The following BCL7C variants were observed in gnomAD, a reference collection of about 807,000 sequenced individuals.
BCL7C encodes BAF chromatin remodeling complex subunit BCL7C.
BCL7C carries 8 observed loss-of-function variants against 26.2 expected under a neutral mutation model. The ratio of observed to expected loss-of-function variants is 0.30; its 90% CI spans 0.18 to 0.55. BCL7C has a LOEUF of 0.55. Ranked by LOEUF, BCL7C falls within the 20% of genes least tolerant of loss-of-function variation. BCL7C has a pLI of 0.93. For missense variants in BCL7C, 262 were observed against 298.5 expected (o/e 0.88, Z 0.90); for synonymous variants, 90 against 116.5 (o/e 0.77, Z 1.47).
intron 5 of BCL7C, among the ~76,000 whole-genome samples, chr16:30,858,904 C>A (rs962023620): frequency 6.6e-6 from 1 of 152,100 alleles, no homozygotes; most frequent in African/African-American, 2.4e-5. Flanking sequence ...AAAAAACACC[C>A]TATAAGCTTC....
intron 5 of BCL7C, among the ~76,000 whole-genome samples, chr16:30,865,723 T>C (rs1031458955): frequency 8.7e-6 from 1 of 115,232 alleles, no homozygotes; most frequent in Non-Finnish European, 1.7e-5. Context: ...ATGGCTTTTT[T>C]TTTCTTTTTT....
chr16:30,886,475 A>C (rs942906143), downstream of BCL7C, among the ~76,000 whole-genome samples: 1 of 152,154 alleles, frequency 6.6e-6, no homozygotes. Flanking sequence ...CCACCTCCTC[A>C]GAGAAGCCTG....
At chr16:30,837,085 C>T (rs1323182629) in intron 5 of BCL7C, among the ~76,000 whole-genome samples, 8 of 152,050 alleles carry the variant, frequency 5.3e-5, no homozygotes, top group South Asian at 2.1e-4. Context: ...TGAGCCACCG[C>T]GCCCGGCCGA....
At chr16:30,881,827 C>T (rs1238582261) in intron 5 of BCL7C, among the ~76,000 whole-genome samples, 4 of 152,168 alleles carry the variant, frequency 2.6e-5, no homozygotes, top group African/African-American at 7.2e-5. Context: ...GCCCCTGCCT[C>T]GCCCCCGCTT....
Position 30,834,681 on chromosome 16 carries a change from C to T in BCL7C, c.*267G>A. On this transcript the variant is annotated 3_prime_UTR_variant, in exon 6 of 6. Transcript: ENST00000380317. The surrounding 1 kb of genome is among the most constrained non-coding windows in gnomAD (Gnocchi z 4.3). ...GGTGGGCGAGGCAGCCCAGTGCACC[C>T]CTCCCCTAGGCCTCTAGCAAGGCGG... 3.0e-6 allele frequency: 1 copy of T among 331,726 alleles called. No homozygotes were observed. 20.5% of individuals were successfully genotyped at this position (331,726 alleles called of 1,614,324 possible).
At chr16:30,849,536 C>T (rs577887169) in intron 5 of BCL7C, among the ~76,000 whole-genome samples, 42 of 151,950 alleles carry the variant, frequency 2.8e-4, no homozygotes, top group Non-Finnish European at 5.0e-4. Flanking sequence ...ACTGCAACCC[C>T]GGCATCCTGG....
At chr16:30,876,625 C>T (rs1190369443) in intron 5 of BCL7C, among the ~76,000 whole-genome samples, 1 of 152,048 alleles carries the variant, frequency 6.6e-6, no homozygotes, top group Non-Finnish European at 1.5e-5. Context: ...AGTGACTAAC[C>T]AGGGACCTGA....
At chr16:30,878,067 T>G (rs968539922) in intron 5 of BCL7C, among the ~76,000 whole-genome samples, 1 of 151,082 alleles carries the variant, frequency 6.6e-6, no homozygotes, top group Admixed American at 6.6e-5. Context: ...CCCAGCTACT[T>G]GGGAGGCTGA....
chr16:30,855,518 T>C (rs1596589829), intron 5 of BCL7C, among the ~76,000 whole-genome samples: 2 of 152,072 alleles, frequency 1.3e-5, no homozygotes, highest in African/African-American at 4.8e-5. Context: ...GCTGGGATTA[T>C]AGGCATGAGC....
rs1319966751 is a variant in BCL7C, at chr16:30,893,154, G to C, written c.171+58C>G. On this transcript the variant is annotated intron_variant, in intron 2 of 5. Coordinates refer to ENST00000215115, the MANE Select transcript of BCL7C (RefSeq NM_004765.4). This position sits in a 1 kb window ranked among gnomAD's most constrained non-coding sequence, Gnocchi z 5.2. ...AGCTGGAGGTAGAGGTCAGCGTGGG[G>C]AGGAACTTGCCTGAGGTTGCACAGA... The C allele has an allele frequency of 7.1e-6, 11 of 1,552,610 alleles. No homozygotes were observed. Among genetic ancestry groups the C allele is most frequent in the Non-Finnish European group, 8.8e-6 (10 of 1,133,746 alleles).
chr16:30,838,610 C>T (rs1272930263), intron 5 of BCL7C, among the ~76,000 whole-genome samples: 2 of 152,176 alleles, frequency 1.3e-5, no homozygotes, highest in Non-Finnish European at 2.9e-5. Flanking sequence ...TGGCGATACC[C>T]TGTCTCTACT....
Position 30,834,930 on chromosome 16 carries a change from C to T in BCL7C, c.*18G>A. 1 of 1,507,544 alleles carries T rather than the reference C, an allele frequency of 6.6e-7. No individual in the cohort carries two copies. The allele number at this position is 1,507,544 out of a possible 1,614,324, so 93.4% of individuals were successfully genotyped here. On this transcript the variant is annotated 3_prime_UTR_variant, in exon 6 of 6. Transcript: ENST00000380317. This position sits in a 1 kb window ranked among gnomAD's most constrained non-coding sequence, Gnocchi z 4.3. ...CCAAGGGAGGCTTTAGGGGTCTTGG[C>T]TTGCTTGGGGAGCCCACTCACCTCC...
At chr16:30,841,246 T>G (rs1174499787) in intron 5 of BCL7C, among the ~76,000 whole-genome samples, 1 of 152,162 alleles carries the variant, frequency 6.6e-6, no homozygotes, top group African/African-American at 2.4e-5. Context: ...GTAGACTGAA[T>G]GTATATCCTG....
downstream of BCL7C, among the ~76,000 whole-genome samples, chr16:30,883,382 G>A (rs552672868): frequency 2.6e-5 from 4 of 151,926 alleles, no homozygotes; most frequent in South Asian, 6.2e-4. Flanking sequence ...ACAGGGTCTC[G>A]TTCTGTCATG....
chr16:30,853,126 C>T (rs549269059), intron 5 of BCL7C, among the ~76,000 whole-genome samples: 4 of 151,682 alleles, frequency 2.6e-5, no homozygotes, highest in African/African-American at 9.7e-5. Context: ...TCAGTAGAGA[C>T]GGGGTTTCTC....
chr16:30,876,050 A>G (rs1433716637), intron 5 of BCL7C: 1 of 152,420 alleles, frequency 6.6e-6, no homozygotes, highest in Non-Finnish European at 1.5e-5. Context: ...GCCTGGAGGA[A>G]CAAAGGAGGG....
At position 30,893,365 on chromosome 16, in the gene BCL7C, G is replaced by A. The variant is rs566157935; in HGVS notation, c.93-75C>T. The stretch of plus-strand genomic sequence containing the variant: ...CCCCCTAGGAGCTGGACACATCTGG[G>A]GGTACCTGCAGAGGTTGAGGAGGCA... On this transcript the variant is annotated intron_variant, in intron 1 of 5. Transcript: ENST00000215115. The surrounding 1 kb of genome is among the most constrained non-coding windows in gnomAD (Gnocchi z 5.2). 382 of 1,225,092 alleles carry A rather than the reference G, an allele frequency of 3.1e-4. 5 individuals carry two copies. The South Asian group carries it at 3.1e-3, about 10-fold the overall frequency. The allele number at this position is 1,225,092 out of a possible 1,614,324, so 75.9% of individuals were successfully genotyped here. A position where few individuals can be genotyped will look rare whatever the true frequency, so the allele number is the denominator to read the frequency against.
intron 5 of BCL7C, among the ~76,000 whole-genome samples, chr16:30,863,112 C>T (rs2151373449): frequency 6.6e-6 from 1 of 152,244 alleles, no homozygotes; most frequent in South Asian, 2.1e-4. Flanking sequence ...TCTCTCTGAT[C>T]CACCTGGCAT....
intron 5 of BCL7C, among the ~76,000 whole-genome samples, chr16:30,854,448 G>A (rs190586002): frequency 6.6e-6 from 1 of 152,138 alleles, no homozygotes; most frequent in Admixed American, 6.5e-5. Flanking sequence ...AGATCACAGA[G>A]GGTTTCAATT....
Sources: gnomAD v4.1 joint callset for allele counts (sites outside exome capture counted in the v4.1 genomes callset) on GRCh38, gnomAD v4.1.1 for gene constraint, Gnocchi (gnomAD v3.1) non-coding constraint, MANE v1.5 for transcripts, NCBI Gene and HGNC (gene_info 2026-07-23, HGNC 2026-07-21) for gene names.